Variants in UBAC2 observed in about 807,000 individuals in gnomAD.
UBAC2 encodes the protein UBA domain containing 2.
UBAC2 carries 26 observed loss-of-function variants against 44.0 expected under a neutral mutation model. The observed-to-expected ratio is 0.59, with a 90% confidence interval of 0.43 to 0.82. The LOEUF (loss-of-function observed/expected upper bound fraction) is 0.82. UBAC2 is among the 40% of genes least tolerant of loss of function. The pLI is 0.00. For synonymous variants in UBAC2, 155 were observed against 154.3 expected, an observed-to-expected ratio of 1.00 and a Z score of -0.04; for missense variants, 329 against 419.4, an observed-to-expected ratio of 0.78 and a Z score of 1.88.
intron 8 of UBAC2, among the ~76,000 whole-genome samples, chr13:99,370,869 G>T (rs1210298024): frequency 6.6e-6 from 1 of 152,168 alleles, no homozygotes; most frequent in Non-Finnish European, 1.5e-5. Context: ...TCTAGACAAA[G>T]GTTATCCCCA....
intron 2 of UBAC2, among the ~76,000 whole-genome samples, chr13:99,242,929 C>T (rs1195995535): frequency 4.0e-5 from 6 of 149,908 alleles, no homozygotes; most frequent in East Asian, 2.0e-4. Context: ...CGGGTAGAGA[C>T]GCTCCTCACT....
chr13:99,338,635 G>C (rs1316287739), intron 6 of UBAC2, among the ~76,000 whole-genome samples: 1 of 152,072 alleles, frequency 6.6e-6, no homozygotes. Context: ...CATTTTCTTT[G>C]TCTTGTACTA....
chr13:99,353,472 C>A (rs1264896455), intron 7 of UBAC2, among the ~76,000 whole-genome samples: 1 of 152,138 alleles, frequency 6.6e-6, no homozygotes, highest in South Asian at 2.1e-4. Context: ...GCCTTGGTGT[C>A]TTCATGAGAA....
chr13:99,366,996 A>G (rs1380405961), intron 7 of UBAC2, among the ~76,000 whole-genome samples: 6 of 152,264 alleles, frequency 3.9e-5, no homozygotes, highest in Non-Finnish European at 5.9e-5. Context: ...TTCTAGAAAT[A>G]GAGATTTAAA....
chr13:99,385,414 C>T lies in UBAC2; in HGVS notation c.*79C>T. The T allele has an allele frequency of 4.3e-6, 5 of 1,162,344 alleles. No homozygotes were observed. The South Asian group carries it at 6.2e-5, about 15-fold the overall frequency. 72.0% of individuals were successfully genotyped at this position (1,162,344 alleles called of 1,614,324 possible). On this transcript the variant is annotated 3_prime_UTR_variant, in exon 9 of 9. Coordinates refer to ENST00000403766, the MANE Select transcript of UBAC2 (RefSeq NM_001144072.2). ...CCCCACCATCAGATCAGCCCGGGGA[C>T]CGAGCATCTCTGGTGCTGATGTTCT...
At chr13:99,298,194 T>A (rs1220366263) in intron 4 of UBAC2, among the ~76,000 whole-genome samples, 1 of 152,144 alleles carries the variant, frequency 6.6e-6, no homozygotes, top group Non-Finnish European at 1.5e-5. Flanking sequence ...TCAACATGAT[T>A]TAAAAGCTAA....
At chr13:99,356,995 C>T (rs1394598764) in intron 7 of UBAC2, among the ~76,000 whole-genome samples, 1 of 152,174 alleles carries the variant, frequency 6.6e-6, no homozygotes, top group Non-Finnish European at 1.5e-5. Context: ...TCTGTGGTGT[C>T]TTTTCTCTCT....
intron 4 of UBAC2, among the ~76,000 whole-genome samples, chr13:99,264,644 C>T (rs1447559185): frequency 2.0e-5 from 3 of 152,166 alleles, no homozygotes; most frequent in Admixed American, 2.0e-4. Context: ...TCCCCAGGGG[C>T]AGTTGGGTGA....
chr13:99,318,117 AAAC>A, intron 6 of UBAC2, 48 bp downstream of exon 6: 2 of 1,512,478 alleles, frequency 1.3e-6, no homozygotes, highest in Non-Finnish European at 1.8e-6. Context: ...TCTCCTGTAA[AAAC>A]ATTAGGAAAA....
chr13:99,217,013 T>G (rs1238556194), intron 1 of UBAC2, among the ~76,000 whole-genome samples: 2 of 152,046 alleles, frequency 1.3e-5, no homozygotes, highest in African/African-American at 4.8e-5. Flanking sequence ...GTATTTTTAG[T>G]AGAAACGGGG....
At chr13:99,373,819 T>A (rs750538391) in intron 8 of UBAC2, among the ~76,000 whole-genome samples, 5 of 152,118 alleles carry the variant, frequency 3.3e-5, no homozygotes, top group African/African-American at 7.2e-5. Context: ...GTGGTTATAC[T>A]CTAGACACCA....
chr13:99,202,176 G>A (rs1330369884), intron 1 of UBAC2, among the ~76,000 whole-genome samples: 1 of 151,986 alleles, frequency 6.6e-6, no homozygotes, highest in Non-Finnish European at 1.5e-5. Flanking sequence ...CAGCGCCACA[G>A]GCATAATTTT....
At chr13:99,346,084 C>T (rs1044427386) in intron 7 of UBAC2, among the ~76,000 whole-genome samples, 1 of 152,178 alleles carries the variant, frequency 6.6e-6, no homozygotes. Context: ...CTTTCTCACT[C>T]CCTACCTGAT....
At chr13:99,269,191 G>A (rs1275968813) in intron 4 of UBAC2, among the ~76,000 whole-genome samples, 2 of 152,146 alleles carry the variant, frequency 1.3e-5, no homozygotes, top group Non-Finnish European at 2.9e-5. Flanking sequence ...TCATTGGTAG[G>A]TACCACAAAT....
chr13:99,248,038 C>G (rs920976526), intron 4 of UBAC2, among the ~76,000 whole-genome samples: 4 of 152,138 alleles, frequency 2.6e-5, no homozygotes, highest in African/African-American at 9.7e-5. Context: ...TTGAGTCCCA[C>G]ACACTACTCC....
intron 4 of UBAC2, among the ~76,000 whole-genome samples, chr13:99,249,854 C>G (rs968727633): frequency 1.3e-5 from 2 of 152,004 alleles, no homozygotes; most frequent in African/African-American, 4.8e-5. Context: ...GTGTGTTGGC[C>G]GCTTGCGTGT....
chr13:99,358,431 A>G (rs1275454681), intron 7 of UBAC2, among the ~76,000 whole-genome samples: 1 of 152,254 alleles, frequency 6.6e-6, no homozygotes, highest in East Asian at 1.9e-4. Context: ...CTAGTAAGTC[A>G]GACATTAAAG....
chr13:99,272,571 G>C (rs769313352), intron 4 of UBAC2, among the ~76,000 whole-genome samples: 1 of 152,162 alleles, frequency 6.6e-6, no homozygotes, highest in Non-Finnish European at 1.5e-5. Context: ...CCAAGATCAG[G>C]ATGTTGGCAT....
chr13:99,363,155 A>G (rs751721076), intron 7 of UBAC2, among the ~76,000 whole-genome samples: 1 of 152,172 alleles, frequency 6.6e-6, no homozygotes, highest in Non-Finnish European at 1.5e-5. Context: ...CCAAGTGCCC[A>G]TGTTTACTGT....
Sources: allele counts gnomAD v4.1 joint callset (sites outside exome capture counted in the v4.1 genomes callset), GRCh38; gene constraint gnomAD v4.1.1; transcripts MANE v1.5; gene names NCBI Gene and HGNC (gene_info 2026-07-23, HGNC 2026-07-21).